The following EYA1 variants were observed in gnomAD, a reference collection of about 807,000 sequenced individuals.
EYA1 encodes the protein EYA transcriptional coactivator and phosphatase 1.
In EYA1, 16 loss-of-function variants were observed where a neutral mutation model predicts 82.0. That is an observed-to-expected ratio of 0.20 (90% CI 0.13 to 0.30). The LOEUF (loss-of-function observed/expected upper bound fraction) is 0.30, where lower values mean the gene tolerates loss of function less well. EYA1 is among the 10% of genes least tolerant of loss of function. The pLI, the probability that EYA1 is intolerant of heterozygous loss-of-function variation, is 1.00. For synonymous variants in EYA1, 261 were observed against 264.4 expected (o/e 0.99, Z 0.12); for missense variants, 633 against 730.7 (o/e 0.87, Z 1.54).
At chr8:71,233,122 A>G (rs1484104126) in intron 12 of EYA1, among the ~76,000 whole-genome samples, 3 of 152,242 alleles carry the variant, frequency 2.0e-5, no homozygotes, top group Non-Finnish European at 4.4e-5. Flanking sequence ...GGCTGGAATA[A>G]GAGAGCCATG....
chr8:71,518,588 A>C (rs1586872825), intron 2 of EYA1, among the ~76,000 whole-genome samples: 1 of 152,216 alleles, frequency 6.6e-6, no homozygotes, highest in East Asian at 1.9e-4. Flanking sequence ...TCAAACAGAA[A>C]ACTGGCATAA....
At chr8:71,438,625 G>C (rs1444020352) in intron 2 of EYA1, among the ~76,000 whole-genome samples, 1 of 152,112 alleles carries the variant, frequency 6.6e-6, no homozygotes, top group Non-Finnish European at 1.5e-5. Context: ...AGCATGTGAG[G>C]GTTACAATGA....
chr8:71,454,743 C>G (rs1460368142), intron 2 of EYA1, among the ~76,000 whole-genome samples: 1 of 152,140 alleles, frequency 6.6e-6, no homozygotes, highest in Non-Finnish European at 1.5e-5. Flanking sequence ...CACAACATAC[C>G]AGAATCTCTG....
Position 71,198,511 on chromosome 8 carries a change from C to G in EYA1, c.*829G>C, listed in dbSNP as rs187719222. On this transcript the variant is annotated 3_prime_UTR_variant, in exon 18 of 18. Coordinates refer to ENST00000340726, the MANE Select transcript of EYA1 (RefSeq NM_000503.6). ...AAGGCACGGCACATGAATTTGTGCA[C>G]GTGCTGCCTCATGCTTCACTATCCA... is the stretch of plus-strand genomic sequence containing the variant. The G allele has an allele frequency of 4.6e-5, 7 of 152,656 alleles. No homozygotes were observed. Among genetic ancestry groups the G allele is most frequent in the African/African-American group, 1.4e-4 (6 of 41,544 alleles). The allele number at this position is 152,656 out of a possible 1,614,324, so 9.5% of individuals were successfully genotyped here. A position where few individuals can be genotyped will look rare whatever the true frequency, so the allele number is the denominator to read the frequency against.
intron 2 of EYA1, among the ~76,000 whole-genome samples, chr8:71,374,961 G>T (rs1349395012): frequency 6.6e-6 from 1 of 152,158 alleles, no homozygotes; most frequent in East Asian, 1.9e-4. Context: ...TACATAGAAA[G>T]AGTATAATGT....
At chr8:71,230,188 G>A (rs945796333) in intron 12 of EYA1, among the ~76,000 whole-genome samples, 2 of 151,886 alleles carry the variant, frequency 1.3e-5, no homozygotes, top group Admixed American at 6.6e-5. Flanking sequence ...AAAAAAAAAA[G>A]GTCTAAGGGC....
At position 71,361,919 on chromosome 8, in the gene EYA1, G is replaced by A. The variant is rs988731774; in HGVS notation, c.-327C>T. The A allele has an allele frequency of 1.0e-6, 1 of 985,452 alleles. No individual in the cohort carries two copies. The highest frequency in any genetic ancestry group is 1.2e-6 in the Non-Finnish European group (1 of 829,972). The allele number at this position is 985,452 out of a possible 1,614,324, so 61.0% of individuals were successfully genotyped here. ...CAGGAAGAAACCCGCCACAGTGGAC[G>A]GCAACAGGAAGGCTTAAAGTCGGAA... On this transcript the variant is annotated 5_prime_UTR_variant, in exon 1 of 18. Transcript: ENST00000340726.
rs150612642 is a variant in EYA1 at position 71,427,409 on chromosome 8, C to A, written c.34-70898G>T. Among the ~76,000 whole-genome samples, 186 of 152,232 alleles carry A rather than the reference C, an allele frequency of 1.2e-3. 1 individual carries two copies. Among genetic ancestry groups the A allele is most frequent in the African/African-American group, 4.3e-3 (179 of 41,556 alleles). On this transcript the variant is annotated intron_variant, in intron 2 of 18. Coordinates refer to the EYA1 transcript ENST00000643681. ...ATTAAAAACAAGAGAGAATAAATGTCCCAGGCATCAAACCAAAATATATGC... is the reference window on the plus strand; with the variant it reads ...ATTAAAAACAAGAGAGAATAAATGTACCAGGCATCAAACCAAAATATATGC...
intron 7 of EYA1, among the ~76,000 whole-genome samples, chr8:71,306,463 T>C: frequency 6.6e-6 from 1 of 151,914 alleles, no homozygotes; most frequent in East Asian, 1.9e-4. Flanking sequence ...GGGGAAAAGC[T>C]AGAGAACCCT....
At chr8:71,413,340 A>G (rs1830702428) in intron 2 of EYA1, among the ~76,000 whole-genome samples, 2 of 152,216 alleles carry the variant, frequency 1.3e-5, no homozygotes, top group South Asian at 4.1e-4. Flanking sequence ...CCCTCTCAAT[A>G]TTCAGCAAGG....
chr8:71,472,442 T>C (rs1809276615), intron 2 of EYA1, among the ~76,000 whole-genome samples: 1 of 152,140 alleles, frequency 6.6e-6, no homozygotes. Flanking sequence ...TTTAACCTTG[T>C]ATGCAGTTTT....
rs138202014 is a variant in EYA1 at position 71,320,916 on chromosome 8, C to T, written c.418+818G>A. Among the ~76,000 whole-genome samples the T allele has an allele frequency of 2.0e-4, 31 of 152,170 alleles. No homozygotes were observed. The East Asian group carries it at 6.0e-3, about 29-fold the overall frequency. ...TACTTATTCTATCAATCCTTTCCTC[C>T]AAGTGTCCATGTACTATTCCTTGAT... On this transcript the variant is annotated intron_variant, in intron 6 of 17. Coordinates refer to ENST00000340726, the MANE Select transcript of EYA1 (RefSeq NM_000503.6).
At chr8:71,377,307 T>C (rs73684759) in intron 2 of EYA1, among the ~76,000 whole-genome samples, 1 of 152,096 alleles carries the variant, frequency 6.6e-6, no homozygotes, top group Non-Finnish European at 1.5e-5. Context: ...TGAAGCCATA[T>C]TGGACATTCT....
chr8:71,533,091 G>A (rs1409922965), intron 2 of EYA1, among the ~76,000 whole-genome samples: 1 of 152,180 alleles, frequency 6.6e-6, no homozygotes, highest in African/African-American at 2.4e-5. Context: ...GAAACAATTA[G>A]AACAGCGGTT....
chr8:71,382,955 A>G (rs1281426895), intron 2 of EYA1, among the ~76,000 whole-genome samples: 1 of 152,162 alleles, frequency 6.6e-6, no homozygotes, highest in African/African-American at 2.4e-5. Context: ...TCAGACAGAC[A>G]TGAATACAAA....
chr8:71,402,064 C>T (rs1445539013), intron 2 of EYA1, among the ~76,000 whole-genome samples: 1 of 152,172 alleles, frequency 6.6e-6, no homozygotes, highest in Non-Finnish European at 1.5e-5. Flanking sequence ...TTCCCACCCT[C>T]AGGAACTTGA....
At chr8:71,414,747 A>T (rs1325285390) in intron 2 of EYA1, among the ~76,000 whole-genome samples, 1 of 152,206 alleles carries the variant, frequency 6.6e-6, no homozygotes, top group East Asian at 1.9e-4. Flanking sequence ...CTGAAGGTAG[A>T]TTTCCTTTTT....
chr8:71,433,735 G>C (rs1348144129), intron 2 of EYA1, among the ~76,000 whole-genome samples: 4 of 152,172 alleles, frequency 2.6e-5, no homozygotes, highest in African/African-American at 9.7e-5. Context: ...GGTTGGAGAG[G>C]AGCCAAGAGG....
chr8:71,425,574 G>GA (rs35543899), intron 2 of EYA1, among the ~76,000 whole-genome samples: 2,342 of 152,250 alleles, frequency 0.015, 35 homozygotes, highest in Non-Finnish European at 0.022. Flanking sequence ...CATAAGGGGG[G>GA]AAATTTCCCT....
Sources: gnomAD v4.1 joint callset for allele counts (sites outside exome capture counted in the v4.1 genomes callset) on GRCh38, gnomAD v4.1.1 for gene constraint, MANE v1.5 for transcripts, NCBI Gene and HGNC (gene_info 2026-07-23, HGNC 2026-07-21) for gene names.